The following NMT2 variants were observed in gnomAD, a reference collection of about 807,000 sequenced individuals.
The protein encoded by NMT2 is N-myristoyltransferase 2.
In NMT2, 35 loss-of-function variants were observed where a neutral mutation model predicts 65.4. The observed-to-expected ratio is 0.54, with a 90% confidence interval of 0.41 to 0.71. The LOEUF is 0.71. NMT2 is among the 30% of genes least tolerant of loss of function. The pLI, the probability that NMT2 is intolerant of heterozygous loss-of-function variation, is 0.00. For missense variants in NMT2, 489 were observed against 611.3 expected (o/e 0.80, Z 2.11); for synonymous variants, 226 against 231.8 (o/e 0.98, Z 0.23).
chr10:15,145,010 C>T (rs1040430582), intron 1 of NMT2, among the ~76,000 whole-genome samples: 17 of 152,074 alleles, frequency 1.1e-4, no homozygotes, highest in Non-Finnish European at 2.2e-4. Flanking sequence ...AATGACCATC[C>T]TCTTATGAAT....
chr10:15,156,732 C>T (rs1296341201), intron 1 of NMT2, among the ~76,000 whole-genome samples: 1 of 151,958 alleles, frequency 6.6e-6, no homozygotes, highest in African/African-American at 2.4e-5. Flanking sequence ...CCCCATTCTA[C>T]TAAAAATACA....
At chr10:15,128,557 A>G in intron 7 of NMT2, 99 bp from the exon 8 acceptor site, 1 of 736,516 alleles carries the variant, frequency 1.4e-6, no homozygotes, top group Non-Finnish European at 2.4e-6. Context: ...TTTACTGAAT[A>G]CTTACGTTGT....
chr10:15,115,920 G>T (rs866232106), intron 9 of NMT2, among the ~76,000 whole-genome samples: 2 of 152,254 alleles, frequency 1.3e-5, no homozygotes, highest in Middle Eastern at 6.8e-3. Flanking sequence ...CAAACAAGAG[G>T]CCCAGAAGAA....
At chr10:15,121,863 T>C (rs937596391) in intron 8 of NMT2, among the ~76,000 whole-genome samples, 1 of 152,212 alleles carries the variant, frequency 6.6e-6, no homozygotes, top group Non-Finnish European at 1.5e-5. Context: ...ATTATGATGA[T>C]GTCATGTCTA....
intron 1 of NMT2, among the ~76,000 whole-genome samples, chr10:15,164,086 G>C (rs757534705): frequency 1.3e-5 from 2 of 151,232 alleles, no homozygotes; most frequent in Non-Finnish European, 2.9e-5. Context: ...CGGAAGCTGA[G>C]GCAAGAGAAT....
Position 15,168,472 on chromosome 10 carries a change from C to A in NMT2, c.110+31G>T, listed in dbSNP as rs573638645. ...GTGGCGCGCGCGGTCCCCGCCCTGTCGCGCCCGGTGCGCCAGCGCGCCGCC... is the reference window on the plus strand; with the variant it reads ...GTGGCGCGCGCGGTCCCCGCCCTGTAGCGCCCGGTGCGCCAGCGCGCCGCC... On this transcript the variant is annotated intron_variant, in intron 1 of 11. Transcript: ENST00000378165. 4.5e-6 allele frequency: 7 copies of A among 1,539,710 alleles called. No individual in the cohort carries two copies. The African/African-American group carries it at 5.7e-5, about 12-fold the overall frequency.
At chr10:15,130,831 C>T (rs1366588446) in intron 6 of NMT2, among the ~76,000 whole-genome samples, 2 of 146,304 alleles carry the variant, frequency 1.4e-5, no homozygotes, top group Admixed American at 1.4e-4. Flanking sequence ...GCACTGTCAC[C>T]CAGGCTGGAG....
At position 15,112,791 on chromosome 10, in the gene NMT2, C is replaced by G; in HGVS notation, c.1338+5G>C. The G allele has an allele frequency of 6.2e-7, 1 of 1,607,120 alleles. No homozygotes were observed. Among genetic ancestry groups the G allele is most frequent in the South Asian group, 1.1e-5 (1 of 90,480 alleles). On this transcript the variant is annotated splice_donor_5th_base_variant and intron_variant, in intron 10 of 11. Transcript: ENST00000378165. ...AAACGGCGTGAACAGGAAGGAGTGGCTTACCGATTTAGCCAGGATGAGCGC... is the reference window on the plus strand; with the variant it reads ...AAACGGCGTGAACAGGAAGGAGTGGGTTACCGATTTAGCCAGGATGAGCGC...
At chr10:15,145,187 C>T (rs989371625) in intron 1 of NMT2, among the ~76,000 whole-genome samples, 1 of 152,138 alleles carries the variant, frequency 6.6e-6, no homozygotes, top group Non-Finnish European at 1.5e-5. Context: ...GTCTATAAAA[C>T]GTCCTGACAA....
intron 3 of NMT2, among the ~76,000 whole-genome samples, chr10:15,134,799 A>G (rs1245909370): frequency 1.3e-5 from 2 of 152,042 alleles, no homozygotes; most frequent in Non-Finnish European, 2.9e-5. Flanking sequence ...CAAGCAACAT[A>G]CTGAAACAGC....
intron 1 of NMT2, among the ~76,000 whole-genome samples, chr10:15,163,955 G>A (rs1217672193): frequency 3.3e-5 from 5 of 152,002 alleles, no homozygotes; most frequent in African/African-American, 9.7e-5. Context: ...CGAGGCGGGC[G>A]GATCACAAGG....
chr10:15,119,695 C>A (rs1268198748), intron 8 of NMT2, among the ~76,000 whole-genome samples, 182 bp from the exon 9 acceptor site: 1 of 152,184 alleles, frequency 6.6e-6, no homozygotes, highest in African/African-American at 2.4e-5. Context: ...AACAAGATTT[C>A]CTTGGGTTTG....
chr10:15,119,524 G>C lies in NMT2; in HGVS notation c.1000-11C>G, dbSNP rs1845854228. 20 of 1,611,604 alleles carry C rather than the reference G, an allele frequency of 1.2e-5. No individual in the cohort carries two copies. The highest frequency in any genetic ancestry group is 1.6e-5 in the Non-Finnish European group (19 of 1,178,552). On this transcript the variant is annotated splice_polypyrimidine_tract_variant and intron_variant, in intron 8 of 11. Coordinates refer to ENST00000378165, the MANE Select transcript of NMT2 (RefSeq NM_004808.3). ...TGAAGTCTTTGTAACCTTGTTGGAG[G>C]GGAAACAAAACAAATCCAGAAGTTC...
chr10:15,137,943 C>T (rs1190066812), intron 2 of NMT2, among the ~76,000 whole-genome samples: 2 of 151,852 alleles, frequency 1.3e-5, no homozygotes, highest in Non-Finnish European at 2.9e-5. Context: ...TGAAATGTCC[C>T]TTTGCGAAAC....
chr10:15,135,932 A>G (rs1376721296), intron 2 of NMT2, among the ~76,000 whole-genome samples: 1 of 151,068 alleles, frequency 6.6e-6, no homozygotes, highest in East Asian at 2.0e-4. Context: ...GAGAGAGAGA[A>G]AGAAAGAGAG....
At chr10:15,161,286 G>C (rs1023246990) in intron 1 of NMT2, among the ~76,000 whole-genome samples, 6 of 151,764 alleles carry the variant, frequency 4.0e-5, no homozygotes, top group African/African-American at 1.5e-4. Flanking sequence ...CATCATCCAC[G>C]CACTCTAAGA....
intron 1 of NMT2, among the ~76,000 whole-genome samples, chr10:15,145,902 T>C (rs1476388947): frequency 6.6e-6 from 1 of 152,102 alleles, no homozygotes. Flanking sequence ...CCCCCGTGCC[T>C]GGGTGGGAGA....
intron 2 of NMT2, among the ~76,000 whole-genome samples, chr10:15,140,573 A>G (rs1846716619): frequency 6.9e-6 from 1 of 144,326 alleles, no homozygotes; most frequent in African/African-American, 2.6e-5. Context: ...GATGAAGTGC[A>G]GTGGTGTGAT....
At position 15,135,360 on chromosome 10, in the gene NMT2, G is replaced by A; in HGVS notation, c.305C>T (p.Ser102Phe). The change falls in exon 3 of 12, where the codon TCC (serine) becomes TTC (phenylalanine). Residue 102 changes from serine to phenylalanine, a missense_variant. Transcript: ENST00000378165. Reference sequence around the variant, plus strand: ...GTTCCTGGCTGGGCCCTGGCATGCGGATAGCAGCTCCATTGCTCTCTGGAT... The same window carrying A: ...GTTCCTGGCTGGGCCCTGGCATGCGAATAGCAGCTCCATTGCTCTCTGGAT... ...QDIQRAMELL[S>F]ACQGPARNID... 2 of 1,614,168 alleles carry A rather than the reference G, an allele frequency of 1.2e-6. No homozygotes were observed. Among genetic ancestry groups the A allele is most frequent in the South Asian group, 2.2e-5 (2 of 91,084 alleles).
Sources: gnomAD v4.1 joint callset for allele counts (sites outside exome capture counted in the v4.1 genomes callset) on GRCh38, gnomAD v4.1.1 for gene constraint, MANE v1.5 for transcripts, NCBI Gene and HGNC (gene_info 2026-07-23, HGNC 2026-07-21) for gene names.